The following YKT6 variants were observed in gnomAD, a reference collection of about 807,000 sequenced individuals.
YKT6 encodes synaptobrevin homolog YKT6.
Under a neutral mutation model 29.3 loss-of-function variants are expected in YKT6, and 12 were observed. That is an observed-to-expected ratio of 0.41 (90% CI 0.26 to 0.66). The LOEUF is 0.66. YKT6 is among the 30% of genes least tolerant of loss of function. YKT6 has a pLI of 0.32. For synonymous variants in YKT6, 86 were observed against 94.3 expected, an observed-to-expected ratio of 0.91 and a Z score of 0.51; for missense variants, 188 against 243.8, an observed-to-expected ratio of 0.77 and a Z score of 1.52.
chr7:44,208,057 C>A, intron 4 of YKT6, 76 bp from the exon 5 acceptor site: 1 of 1,494,066 alleles, frequency 6.7e-7, no homozygotes, highest in Non-Finnish European at 9.2e-7. Context: ...AAAGTTTGTC[C>A]AGCTTCCTCA....
rs1038812861 is a variant in YKT6, at chr7:44,207,249, G to A, written c.289-139G>A. 10 of 587,590 alleles carry A rather than the reference G, an allele frequency of 1.7e-5. No homozygotes were observed. The East Asian group carries it at 2.7e-4, about 16-fold the overall frequency. The allele number at this position is 587,590 out of a possible 1,614,324, so 36.4% of individuals were successfully genotyped here. On this transcript the variant is annotated intron_variant, in intron 3 of 6. Transcript: ENST00000223369. ...TAGATTTTCTCTGTTGCCATTATAT[G>A]TCCCCCTCATTCCTCCTTCCTGGGC...
chr7:44,211,160 T>C lies in YKT6; in HGVS notation c.561+36T>C, dbSNP rs1041699126. On this transcript the variant is annotated intron_variant, in intron 6 of 6. Transcript: ENST00000223369. ...AGCACCTGCTGCCTCCTGGGTGTTC[T>C]CTCTAGAGAGCAGTCGCAGCTTGCT... 5.7e-6 allele frequency: 9 copies of C among 1,589,870 alleles called. No homozygotes were observed. In the South Asian group the frequency reaches 1.0e-4, roughly 18 times the overall value.
intron 6 of YKT6, among the ~76,000 whole-genome samples, chr7:44,211,382 G>A (rs1283900964): frequency 6.6e-6 from 1 of 152,178 alleles, no homozygotes; most frequent in Non-Finnish European, 1.5e-5. Context: ...TGCTGCTCTG[G>A]CTGATTTCTG....
intron 6 of YKT6, 50 bp from the exon 7 acceptor site, chr7:44,212,197 C>T (rs759401170): frequency 2.5e-6 from 4 of 1,612,954 alleles, no homozygotes; most frequent in African/African-American, 1.3e-5. Flanking sequence ...ATTGGGGCTT[C>T]CCTTACTTCG....
intron 2 of YKT6, among the ~76,000 whole-genome samples, chr7:44,205,817 A>G (rs1340411302): frequency 6.6e-6 from 1 of 152,236 alleles, no homozygotes; most frequent in Non-Finnish European, 1.5e-5. Flanking sequence ...CTTAGCTGGC[A>G]GTAGCTAATC....
rs571774649 is a variant in YKT6, at chr7:44,206,482, G to C, written c.285G>C (p.Glu95Asp). Residue 95 changes from glutamate to aspartate, a missense_variant, in exon 3 of 7, where the codon GAG becomes GAC. Physicochemically the swap from Glu to Asp is conservative, Grantham distance 45. This residue lies in a region of YKT6 where 100 missense variants were observed against 136.3 expected (regional missense o/e 0.73). Transcript: ENST00000223369. ...YPSRVAFTLL[E>D]KVLDEFSKQV... ...CCCGGGTGGCCTTTACCTTGCTGGA[G>C]AAGGTGAGTTTTTTATTTGCCTCTC... The C allele has an allele frequency of 8.1e-6, 13 of 1,613,798 alleles. No homozygotes were observed. Among genetic ancestry groups the C allele is most frequent in the Middle Eastern group, 1.7e-4 (1 of 5,800 alleles).
chr7:44,207,331 T>C (rs1447166866), intron 3 of YKT6, 57 bp from the exon 4 acceptor site: 1 of 1,511,918 alleles, frequency 6.6e-7, no homozygotes, highest in Non-Finnish European at 9.2e-7. Flanking sequence ...AGCCCTGTCA[T>C]TGAGACCACT....
At chr7:44,207,286 A>G in intron 3 of YKT6, 102 bp from the exon 4 acceptor site, 1 of 906,534 alleles carries the variant, frequency 1.1e-6, no homozygotes, top group Non-Finnish European at 1.7e-6. Flanking sequence ...GTGAAGGCCA[A>G]GGAGCCTCAT....
intron 3 of YKT6, 110 bp from the exon 4 acceptor site, chr7:44,207,278 G>A: frequency 2.5e-6 from 2 of 804,400 alleles, no homozygotes; most frequent in Non-Finnish European, 4.0e-6. Context: ...CCTGGGCTGT[G>A]AAGGCCAAGG....
In YKT6 at chr7:44,207,462, A is replaced by T; in HGVS notation, c.363A>T (p.Pro121=). ...PVGSPATIHY[P]ALDGHLSRYQ... Reference sequence around the variant, plus strand: ...GATCCCCTGCTACAATCCATTACCCAGCCCTGGATGGTCACCTCAGTAGAT... The same window carrying T: ...GATCCCCTGCTACAATCCATTACCCTGCCCTGGATGGTCACCTCAGTAGAT... The change falls in exon 4 of 7, where the codon CCA becomes CCT. Residue 121 remains proline (P), a synonymous_variant. Transcript: ENST00000223369. 6 of 1,614,152 alleles carry T rather than the reference A, an allele frequency of 3.7e-6. No homozygotes were observed. The highest frequency in any genetic ancestry group is 5.1e-6 in the Non-Finnish European group (6 of 1,180,012).
intron 5 of YKT6, among the ~76,000 whole-genome samples, chr7:44,209,328 C>G (rs908513194): frequency 1.3e-5 from 2 of 152,236 alleles, no homozygotes; most frequent in Non-Finnish European, 2.9e-5. Flanking sequence ...GCTGACTGCA[C>G]TCCAAATAAC....
chr7:44,209,365 G>C (rs185373781), intron 5 of YKT6, among the ~76,000 whole-genome samples: 104 of 152,320 alleles, frequency 6.8e-4, no homozygotes, highest in Non-Finnish European at 8.1e-4. Flanking sequence ...CGATAGATGT[G>C]AAAGTCTCAT....
chr7:44,211,219 CTT>C lies in YKT6; in HGVS notation c.561+96_561+97del, dbSNP rs386712657. On this transcript the variant is annotated intron_variant, in intron 6 of 6. Transcript: ENST00000223369. The stretch of plus-strand genomic sequence containing the variant: ...CACTCTCCACTATGAACGGGTCTTT[CTT>C]AGACTGTTGAATCATGGTGGATGAT... 46 of 1,132,138 alleles carry C rather than the reference CTT, an allele frequency of 4.1e-5. No homozygotes were observed. In the African/African-American group the frequency reaches 5.4e-4, roughly 13 times the overall value. The allele number at this position is 1,132,138 out of a possible 1,614,324, so 70.1% of individuals were successfully genotyped here.
At chr7:44,201,431 T>A (rs377455622) in intron 1 of YKT6, among the ~76,000 whole-genome samples, 192 bp downstream of exon 1, 2 of 13,598 alleles carry the variant, frequency 1.5e-4, no homozygotes, top group Non-Finnish European at 2.9e-4. Flanking sequence ...CGGGGCGGGG[T>A]GGGGAGGGCC....
chr7:44,206,568 T>G (rs2096341131), intron 3 of YKT6, 83 bp downstream of exon 3: 1 of 1,212,586 alleles, frequency 8.2e-7, no homozygotes, highest in African/African-American at 1.5e-5. Context: ...TGGCAGTCCC[T>G]GAGACATAAG....
intron 5 of YKT6, 94 bp downstream of exon 5, chr7:44,208,292 A>G (rs1583648408): frequency 7.3e-7 from 1 of 1,371,082 alleles, no homozygotes; most frequent in Non-Finnish European, 1.0e-6. Flanking sequence ...GTTTTAATAT[A>G]ATAGTAACCA....
chr7:44,203,240 C>T (rs532883792), intron 1 of YKT6, among the ~76,000 whole-genome samples: 18 of 152,172 alleles, frequency 1.2e-4, no homozygotes, highest in Non-Finnish European at 1.6e-4. Context: ...ATTACAGGCG[C>T]GCACCACCAC....
intron 6 of YKT6, chr7:44,211,406 A>G: frequency 1.8e-6 from 1 of 558,172 alleles, no homozygotes; most frequent in Non-Finnish European, 2.6e-6. Context: ...TCCTACTCCC[A>G]GTCCAGGAAG....
At chr7:44,207,517 G>A (rs776960825) in intron 4 of YKT6, 25 bp downstream of exon 4, 2 of 1,604,002 alleles carry the variant, frequency 1.2e-6, no homozygotes, top group African/African-American at 2.7e-5. Flanking sequence ...AGCTTCAGCA[G>A]ACACCATGTG....
Sources: allele counts gnomAD v4.1 joint callset (sites outside exome capture counted in the v4.1 genomes callset), GRCh38; gene constraint gnomAD v4.1.1; regional missense constraint gnomAD v4.1.1; transcripts MANE v1.5; gene names NCBI Gene and HGNC (gene_info 2026-07-23, HGNC 2026-07-21).